Variants in CACNA1C observed in about 807,000 individuals in gnomAD.
CACNA1C encodes the protein voltage-dependent L-type calcium channel subunit alpha-1C.
Under a neutral mutation model 229.0 loss-of-function variants are expected in CACNA1C, and 30 were observed. That is an observed-to-expected ratio of 0.13 (90% CI 0.10 to 0.18). CACNA1C has a LOEUF of 0.18. CACNA1C is among the 10% of genes least tolerant of loss of function. The probability of loss-of-function intolerance (pLI) is 1.00; values close to 1 mark genes in which losing one functional copy is unlikely to be tolerated. For synonymous variants in CACNA1C, 1,114 were observed against 1,132.5 expected, an observed-to-expected ratio of 0.98 and a Z score of 0.33; for missense variants, 1,658 against 2,845.0, an observed-to-expected ratio of 0.58 and a Z score of 9.49.
At chr12:2,036,018 C>A (rs1050117537) in intron 1 of CACNA1C, among the ~76,000 whole-genome samples, 2 of 152,056 alleles carry the variant, frequency 1.3e-5, no homozygotes, top group Non-Finnish European at 1.5e-5. Flanking sequence ...TCTTGTAACA[C>A]CTTCTTTGGG....
rs2096886732 is a variant in CACNA1C, at chr12:2,677,557, C to T, written c.4957-176C>T. The T allele has an allele frequency of 4.2e-6, 3 of 713,824 alleles. No individual in the cohort carries two copies. Among genetic ancestry groups the T allele is most frequent in the Admixed American group, 2.6e-5 (1 of 38,938 alleles). The allele number at this position is 713,824 out of a possible 1,614,324, so 44.2% of individuals were successfully genotyped here. ...TCCTGGATGGGCGAGTGGATTGTTC[C>T]ATCAGAGGGCAGCCCAGCCCCCAGT... is the stretch of plus-strand genomic sequence containing the variant. On this transcript the variant is annotated intron_variant, in intron 40 of 46. Transcript: ENST00000399655. The surrounding 1 kb of genome is among the most constrained non-coding windows in gnomAD (Gnocchi z 7.4).
Position 1,997,257 on chromosome 12 carries a change from G to A in CACNA1C, c.139+26056G>A, listed in dbSNP as rs546397989. Among the ~76,000 whole-genome samples, 15 of 152,288 alleles carry A rather than the reference G, an allele frequency of 9.8e-5. No homozygotes were observed. In the Middle Eastern group the frequency reaches 0.02, roughly 207 times the overall value. On this transcript the variant is annotated intron_variant, in intron 1 of 46. Transcript: ENST00000682462. ...AGAAAAGTGATCAACAGCCAGGTGC[G>A]GTGGCTCACGCCTGTAATCCCAGCA...
intron 1 of CACNA1C, among the ~76,000 whole-genome samples, chr12:2,040,764 T>C (rs77807877): frequency 6.6e-6 from 1 of 152,352 alleles, no homozygotes; most frequent in East Asian, 1.9e-4. Context: ...ATTCCATCTT[T>C]GTGGTAATAA....
At chr12:2,062,269 CT>C (rs1217896061) in intron 1 of CACNA1C, among the ~76,000 whole-genome samples, 1 of 152,200 alleles carries the variant, frequency 6.6e-6, no homozygotes, top group Non-Finnish European at 1.5e-5. Context: ...GTTCTTGGTG[CT>C]TCATGTGCTT....
At position 2,067,027 on chromosome 12, in the gene CACNA1C, C is replaced by T. The variant is rs945702455; in HGVS notation, c.49+13416C>T. ...GTGCCCAGGTCCCAGAGGCACCGGCCGAGGTCTGGAAGCATGAGTTAGGGG... is the reference window on the plus strand; with the variant it reads ...GTGCCCAGGTCCCAGAGGCACCGGCTGAGGTCTGGAAGCATGAGTTAGGGG... On this transcript the variant is annotated intron_variant, in intron 1 of 46. Transcript: ENST00000399655. This position sits in a 1 kb window ranked among gnomAD's most constrained non-coding sequence, Gnocchi z 5.3. Among the ~76,000 whole-genome samples the T allele has an allele frequency of 6.6e-5, 10 of 152,108 alleles. No homozygotes were observed. Among genetic ancestry groups the T allele is most frequent in the Non-Finnish European group, 1.2e-4 (8 of 68,016 alleles).
chr12:2,597,569 G>T lies in CACNA1C; in HGVS notation c.2853+280G>T. On this transcript the variant is annotated intron_variant, in intron 21 of 46. Coordinates refer to ENST00000399655, the MANE Select transcript of CACNA1C (RefSeq NM_000719.7). This position sits in a 1 kb window ranked among gnomAD's most constrained non-coding sequence, Gnocchi z 4.3. The stretch of plus-strand genomic sequence containing the variant: ...TCTGCTCTGTGTGGCTGGATCTTTT[G>T]TCTTTTCTGTTTCTTTCACTCTCTC... 4.0e-6 allele frequency: 4 copies of T among 1,006,430 alleles called. No individual in the cohort carries two copies. The Admixed American group carries it at 7.2e-5, about 18-fold the overall frequency. The allele number at this position is 1,006,430 out of a possible 1,614,324, so 62.3% of individuals were successfully genotyped here. A position where few individuals can be genotyped will look rare whatever the true frequency, so the allele number is the denominator to read the frequency against.
At chr12:2,626,558 CT>C (rs1487984616) in intron 29 of CACNA1C, among the ~76,000 whole-genome samples, 1 of 152,172 alleles carries the variant, frequency 6.6e-6, no homozygotes, top group Non-Finnish European at 1.5e-5. Context: ...TTAAAGTTGC[CT>C]GTGTGCATGG....
Position 2,029,210 on chromosome 12 carries a change from A to G in CACNA1C, c.139+58009A>G, listed in dbSNP as rs760822466. On this transcript the variant is annotated intron_variant, in intron 1 of 46. Transcript: ENST00000682462. The surrounding 1 kb of genome is among the most constrained non-coding windows in gnomAD (Gnocchi z 4.9). ...TCCTGACACAGTCCTGGGAACCTGC[A>G]TTCTATCGGAAAGCCAGTTGTCATT... 2.6e-5 allele frequency among the ~76,000 whole-genome samples: 4 copies of G among 152,224 alleles called. No individual in the cohort carries two copies. Among genetic ancestry groups the G allele is most frequent in the Admixed American group, 6.5e-5 (1 of 15,292 alleles).
intron 21 of CACNA1C, among the ~76,000 whole-genome samples, chr12:2,598,163 G>C (rs143950699): frequency 1.1e-4 from 17 of 152,262 alleles, no homozygotes; most frequent in Non-Finnish European, 2.9e-5. Flanking sequence ...CCCTGAGCGT[G>C]GGGGAGGGAG....
At position 2,585,973 on chromosome 12, in the gene CACNA1C, G is replaced by C; in HGVS notation, c.2530+69G>C. 1.1e-6 allele frequency: 1 copy of C among 922,786 alleles called. No homozygotes were observed. The highest frequency in any genetic ancestry group is 1.6e-6 in the Non-Finnish European group (1 of 607,048). The allele number at this position is 922,786 out of a possible 1,614,324, so 57.2% of individuals were successfully genotyped here. A position where few individuals can be genotyped will look rare whatever the true frequency, so the allele number is the denominator to read the frequency against. On this transcript the variant is annotated intron_variant, in intron 18 of 46. Transcript: ENST00000399655. This position sits in a 1 kb window ranked among gnomAD's most constrained non-coding sequence, Gnocchi z 4.1. ...AGAGATCTAAATTCTAAAGCCACGTGGGAGTGGCCATATATTAGGGACCAT... is the reference window on the plus strand; with the variant it reads ...AGAGATCTAAATTCTAAAGCCACGTCGGAGTGGCCATATATTAGGGACCAT...
rs35630466 is a variant in CACNA1C, at chr12:2,130,193, C to CT, written c.477+9783dup. Among the ~76,000 whole-genome samples the CT allele has an allele frequency of 1.6e-3, 187 of 114,126 alleles. 2 individuals carry two copies. Among genetic ancestry groups the CT allele is most frequent in the Middle Eastern group, 5.5e-3 (1 of 182 alleles). 74.9% of individuals were successfully genotyped at this position (114,126 alleles called of 152,430 possible). On this transcript the variant is annotated intron_variant, in intron 3 of 46. Coordinates refer to ENST00000399655, the MANE Select transcript of CACNA1C (RefSeq NM_000719.7). ...CCCTCGACTACCCCATGAGACCTTT[C>CT]TTTTTTTTTTTTTTTTTTTTAATGC...
chr12:2,238,256 G>A (rs768559773), intron 3 of CACNA1C, among the ~76,000 whole-genome samples: 12 of 152,186 alleles, frequency 7.9e-5, no homozygotes, highest in Non-Finnish European at 1.6e-4. Flanking sequence ...ATGGAGTGAC[G>A]AGGTAACTAG....
intron 3 of CACNA1C, among the ~76,000 whole-genome samples, chr12:2,336,040 A>C (rs567915725): frequency 2.6e-4 from 38 of 148,414 alleles, no homozygotes; most frequent in African/African-American, 9.2e-4. Context: ...AAAAAAAAAA[A>C]CAAACCCTAA....
chr12:2,624,017 T>C (rs2084875824), intron 29 of CACNA1C, among the ~76,000 whole-genome samples: 3 of 152,116 alleles, frequency 2.0e-5, no homozygotes, highest in African/African-American at 4.8e-5. Context: ...GCTCAGACAG[T>C]TCAGTGCAGA....
In CACNA1C at chr12:2,027,277, A is replaced by G. The variant is rs573269556; in HGVS notation, c.139+56076A>G. 1.2e-4 allele frequency among the ~76,000 whole-genome samples: 19 copies of G among 152,286 alleles called. No homozygotes were observed. The South Asian group carries it at 1.9e-3, about 15-fold the overall frequency. Reference sequence around the variant, plus strand: ...TTTGCCTGGTGTTGCCCATAACTACATAATTGTTTCTTGGTTAATTGGTTC... The same window carrying G: ...TTTGCCTGGTGTTGCCCATAACTACGTAATTGTTTCTTGGTTAATTGGTTC... On this transcript the variant is annotated intron_variant, in intron 1 of 46. Transcript: ENST00000682462.
rs375135498 is a variant in CACNA1C at position 2,467,666 on chromosome 12, G to A, written c.757+9960G>A. ...GAATTTAGAACAGGGTGGGTCCCAC[G>A]CCCAGCCCCGCCCTGCCCCTTAGCA... On this transcript the variant is annotated intron_variant, in intron 5 of 46. Coordinates refer to ENST00000399655, the MANE Select transcript of CACNA1C (RefSeq NM_000719.7). The surrounding 1 kb of genome is among the most constrained non-coding windows in gnomAD (Gnocchi z 4.6). 3.3e-5 allele frequency among the ~76,000 whole-genome samples: 5 copies of A among 152,246 alleles called. No homozygotes were observed. Among genetic ancestry groups the A allele is most frequent in the Admixed American group, 1.3e-4 (2 of 15,304 alleles).
In CACNA1C at chr12:2,605,091, A is replaced by G. The variant is rs1332669909; in HGVS notation, c.2971A>G (p.Ile991Val). ...GTTTCCCTCTCCCAGGTCCAGTGCA[A>G]TCAATGTCGTGAAGATCTTGCGAGT... is the stretch of plus-strand genomic sequence containing the variant. ...LISFGIQSSAINVVKILRVLR... is the reference protein window; with the variant it reads ...LISFGIQSSAVNVVKILRVLR... Residue 991 changes from isoleucine (I) to valine (V), a missense_variant, in exon 23 of 47, where the codon ATC (isoleucine) becomes GTC (valine). Around this residue, in one of 20 missense-constraint regions of CACNA1C, gnomAD observed 39 missense variants for 143.3 expected, o/e 0.27. Coordinates refer to ENST00000399655, the MANE Select transcript of CACNA1C (RefSeq NM_000719.7). This position sits in a 1 kb window ranked among gnomAD's most constrained non-coding sequence, Gnocchi z 6.2. 1 of 1,613,536 alleles carries G rather than the reference A, an allele frequency of 6.2e-7. No homozygotes were observed. Among genetic ancestry groups the G allele is most frequent in the African/African-American group, 1.3e-5 (1 of 74,918 alleles).
intron 1 of CACNA1C, among the ~76,000 whole-genome samples, chr12:2,023,832 C>T (rs141510085): frequency 6.6e-6 from 1 of 152,346 alleles, no homozygotes; most frequent in East Asian, 1.9e-4. Context: ...ACACCTTCTT[C>T]AGAACACCAG....
chr12:2,416,855 C>T (rs2098914164), intron 3 of CACNA1C, among the ~76,000 whole-genome samples: 1 of 152,218 alleles, frequency 6.6e-6, no homozygotes, highest in Non-Finnish European at 1.5e-5. Context: ...GGCTAAGGGA[C>T]TGGCCAGAGT....
Sources: allele counts gnomAD v4.1 joint callset (sites outside exome capture counted in the v4.1 genomes callset), GRCh38; gene constraint gnomAD v4.1.1; regional missense constraint gnomAD v4.1.1; non-coding constraint Gnocchi (gnomAD v3.1); transcripts MANE v1.5; gene names NCBI Gene and HGNC (gene_info 2026-07-23, HGNC 2026-07-21).